Variants in C12orf42 observed in about 807,000 individuals in gnomAD.
C12orf42 encodes the protein uncharacterized protein C12orf42.
C12orf42 carries 25 observed loss-of-function variants against 21.6 expected under a neutral mutation model. That is an observed-to-expected ratio of 1.16 (90% CI 0.84 to 1.62). The LOEUF (loss-of-function observed/expected upper bound fraction) is 1.62, where lower values mean the gene tolerates loss of function less well. Ranked by LOEUF, C12orf42 falls within the 40% of genes most tolerant of loss-of-function variation. C12orf42 has a pLI of 0.00. For missense variants in C12orf42, 483 were observed against 459.3 expected, an observed-to-expected ratio of 1.05 and a Z score of -0.47; for synonymous variants, 174 against 175.0, an observed-to-expected ratio of 0.99 and a Z score of 0.05.
chr12:103,357,391 G>T (rs1806721461), intron 4 of C12orf42, among the ~76,000 whole-genome samples: 1 of 151,872 alleles, frequency 6.6e-6, no homozygotes, highest in South Asian at 2.1e-4. Flanking sequence ...ACATGGGGAG[G>T]TTTCTTAATG....
exon 7 of C12orf42, chr12:103,268,810 T>A (rs1176030446): frequency 6.6e-6 from 1 of 152,188 alleles, no homozygotes; most frequent in African/African-American, 2.4e-5. Context: ...AAAGCATGCA[T>A]GTGTCACATA....
At chr12:103,556,846 G>C in the C12orf42 span, among the ~76,000 whole-genome samples, 1 of 151,576 alleles carries the variant, frequency 6.6e-6, no homozygotes, top group Non-Finnish European at 1.5e-5. Flanking sequence ...CCAATGGTAA[G>C]TGTCCTTAGA....
the C12orf42 span, among the ~76,000 whole-genome samples, chr12:103,191,665 C>G: frequency 6.8e-6 from 1 of 147,284 alleles, no homozygotes; most frequent in Non-Finnish European, 1.5e-5. Context: ...TACTAGAGAC[C>G]AGGAGGTCCA....
intron 2 of C12orf42, among the ~76,000 whole-genome samples, chr12:103,419,120 C>A (rs572834035): frequency 6.6e-6 from 1 of 152,072 alleles, no homozygotes; most frequent in African/African-American, 2.4e-5. Flanking sequence ...CAAATGCTAT[C>A]ATCTTTCAAT....
chr12:103,190,512 A>G, the C12orf42 span, among the ~76,000 whole-genome samples: 1 of 152,216 alleles, frequency 6.6e-6, no homozygotes, highest in South Asian at 2.1e-4. Context: ...CTTCAAATGG[A>G]CATATATCAA....
At chr12:103,478,260 CT>C in intron 2 of C12orf42, 88 bp downstream of exon 2, 2 of 785,348 alleles carry the variant, frequency 2.5e-6, no homozygotes, top group Non-Finnish European at 4.2e-6. Context: ...ATCAATGACA[CT>C]GAATCAAGAA....
intron 2 of C12orf42, among the ~76,000 whole-genome samples, chr12:103,430,033 A>T (rs1166812609): frequency 6.6e-6 from 1 of 152,214 alleles, no homozygotes; most frequent in Non-Finnish European, 1.5e-5. Context: ...AAAATAACTT[A>T]GGCAATACCA....
chr12:103,215,993 C>T, the C12orf42 span, among the ~76,000 whole-genome samples: 10 of 152,148 alleles, frequency 6.6e-5, no homozygotes, highest in African/African-American at 2.4e-4. Flanking sequence ...TCATGCCAGC[C>T]TACCATATCA....
chr12:103,066,930 C>T, the C12orf42 span, among the ~76,000 whole-genome samples: 2 of 152,190 alleles, frequency 1.3e-5, no homozygotes, highest in African/African-American at 4.8e-5. Flanking sequence ...CCTATCATTG[C>T]CCAATGGGCC....
chr12:103,218,797 T>C, the C12orf42 span, among the ~76,000 whole-genome samples: 28 of 152,228 alleles, frequency 1.8e-4, no homozygotes, highest in African/African-American at 6.0e-4. Context: ...TAGATTGACC[T>C]TTCCAATTTA....
the C12orf42 span, among the ~76,000 whole-genome samples, chr12:103,210,713 A>G: frequency 1.4e-5 from 2 of 146,328 alleles, no homozygotes; most frequent in Non-Finnish European, 3.0e-5. Context: ...CTCATGATCA[A>G]TAAAACATAC....
At chr12:103,524,131 C>T in the C12orf42 span, among the ~76,000 whole-genome samples, 1 of 152,204 alleles carries the variant, frequency 6.6e-6, no homozygotes, top group Admixed American at 6.5e-5. Context: ...CTTCTTTTCA[C>T]AGCCCCTAAG....
At chr12:103,164,168 T>C in the C12orf42 span, among the ~76,000 whole-genome samples, 1 of 152,212 alleles carries the variant, frequency 6.6e-6, no homozygotes, top group Non-Finnish European at 1.5e-5. Flanking sequence ...TAATGTATGG[T>C]ACTGACCATA....
At chr12:103,270,481 T>C (rs1024269698) in intron 5 of C12orf42, among the ~76,000 whole-genome samples, 1 of 151,946 alleles carries the variant, frequency 6.6e-6, no homozygotes, top group African/African-American at 2.4e-5. Context: ...TTGATTTACA[T>C]TTTTATTATT....
At chr12:103,225,613 GTCAGGGAAGCAGATAATTTAGT>G in the C12orf42 span, among the ~76,000 whole-genome samples, 13 of 152,234 alleles carry the variant, frequency 8.5e-5, no homozygotes, top group South Asian at 2.7e-3. Context: ...TCCAGGAATA[GTCAGGGAAGCAGATAATTTAGT>G]TAAAGTGTCT....
chr12:103,384,428 C>T (rs1196976247), intron 3 of C12orf42, among the ~76,000 whole-genome samples: 1 of 152,182 alleles, frequency 6.6e-6, no homozygotes, highest in East Asian at 1.9e-4. Flanking sequence ...AACTAATCTA[C>T]CATACTGTCA....
At chr12:103,359,935 C>T (rs1477331919) in intron 4 of C12orf42, among the ~76,000 whole-genome samples, 1 of 151,594 alleles carries the variant, frequency 6.6e-6, no homozygotes, top group Non-Finnish European at 1.5e-5. Context: ...CAGCTTTAAC[C>T]CATGATCCTG....
chr12:103,515,209 A>T, the C12orf42 span, among the ~76,000 whole-genome samples: 1 of 152,214 alleles, frequency 6.6e-6, no homozygotes, highest in African/African-American at 2.4e-5. Flanking sequence ...AGAAGCACAA[A>T]CTGAGTTGAA....
At chr12:103,408,900 T>C (rs2048620298) in intron 2 of C12orf42, among the ~76,000 whole-genome samples, 1 of 152,222 alleles carries the variant, frequency 6.6e-6, no homozygotes. Flanking sequence ...ATTTGATGTA[T>C]CCAAACATTA....
Sources: gnomAD v4.1 joint callset for allele counts (sites outside exome capture counted in the v4.1 genomes callset) on GRCh38, gnomAD v4.1.1 for gene constraint, MANE v1.5 for transcripts, NCBI Gene and HGNC (gene_info 2026-07-23, HGNC 2026-07-21) for gene names.